The following SPRY3 variants were observed in gnomAD, a reference collection of about 807,000 sequenced individuals.
The protein encoded by SPRY3 is protein sprouty homolog 3.
SPRY3 carries 15 observed loss-of-function variants against 20.2 expected under a neutral mutation model. The ratio of observed to expected loss-of-function variants is 0.74; its 90% CI spans 0.50 to 1.14. The LOEUF (loss-of-function observed/expected upper bound fraction) is 1.14, where lower values mean the gene tolerates loss of function less well. Ranked by LOEUF, SPRY3 falls within the 50% of genes most tolerant of loss-of-function variation. SPRY3 has a pLI of 0.00. For synonymous variants in SPRY3, 143 were observed against 136.5 expected (o/e 1.05, Z -0.33); for missense variants, 364 against 363.9 (o/e 1.00, Z 0.00).
intron 2 of SPRY3, among the ~76,000 whole-genome samples, chrX:155,728,726 C>T (rs765288871): frequency 6.6e-6 from 1 of 152,236 alleles, no homozygotes; most frequent in Non-Finnish European, 1.5e-5. Flanking sequence ...CATGGCTTCC[C>T]TTGGCTATGA....
chrX:155,734,367 A>G lies in SPRY3; in HGVS notation c.-281-33595A>G, dbSNP rs1335274112. Among the ~76,000 whole-genome samples the G allele has an allele frequency of 2.6e-5, 4 of 152,056 alleles. No homozygotes were observed. The East Asian group carries it at 5.8e-4, about 22-fold the overall frequency. Reference sequence around the variant, plus strand: ...ATGGCCAGTCAGTGGAGCAGTCAGAACACACACAACATTGATCAGTTAACT... The same window carrying G: ...ATGGCCAGTCAGTGGAGCAGTCAGAGCACACACAACATTGATCAGTTAACT... On this transcript the variant is annotated intron_variant, in intron 2 of 3. Coordinates refer to ENST00000675360, the Ensembl canonical transcript of SPRY3.
chrX:155,726,363 C>T (rs1160511498), intron 2 of SPRY3, among the ~76,000 whole-genome samples: 1 of 152,098 alleles, frequency 6.6e-6, no homozygotes, highest in Non-Finnish European at 1.5e-5. Flanking sequence ...AGTTCAAGTC[C>T]TGGATATCCT....
At chrX:155,684,283 A>C (rs1209170714) in intron 2 of SPRY3, among the ~76,000 whole-genome samples, 1 of 111,044 alleles carries the variant, frequency 9.0e-6, no homozygotes, top group East Asian at 2.9e-4. Context: ...AGAGAGAATG[A>C]TCACTATTAT....
At chrX:155,767,065 C>G (rs56750753) in intron 2 of SPRY3, among the ~76,000 whole-genome samples, 28,403 of 151,792 alleles carry the variant, frequency 0.19, 2,975 homozygotes, top group Middle Eastern at 0.28. Flanking sequence ...TACTCTCCAC[C>G]CCACCCCCAC....
intron 2 of SPRY3, among the ~76,000 whole-genome samples, chrX:155,673,358 CTG>C (rs782616907): frequency 1.2e-3 from 135 of 111,221 alleles, no homozygotes; most frequent in Non-Finnish European, 2.0e-3. Flanking sequence ...GTATAGAACA[CTG>C]TTTTCTTCTT....
intron 2 of SPRY3, among the ~76,000 whole-genome samples, chrX:155,750,548 A>C (rs1023670898): frequency 2.0e-5 from 3 of 151,988 alleles, no homozygotes; most frequent in African/African-American, 7.2e-5. Context: ...AAAGTGTTTC[A>C]AGAAGGAGAG....
chrX:155,754,603 G>A (rs941919101), intron 2 of SPRY3, among the ~76,000 whole-genome samples: 1 of 151,614 alleles, frequency 6.6e-6, no homozygotes, highest in Admixed American at 6.6e-5. Flanking sequence ...TGAATTTTAG[G>A]GTTCATTCAT....
intron 1 of SPRY3, among the ~76,000 whole-genome samples, chrX:155,652,351 A>G (rs1226704076): frequency 3.7e-5 from 4 of 107,646 alleles, no homozygotes; most frequent in Non-Finnish European, 7.7e-5. Context: ...CTTTCTAACT[A>G]TTTTTTTTTT....
chrX:155,654,922 G>A (rs781896364), intron 1 of SPRY3, among the ~76,000 whole-genome samples: 32 of 110,851 alleles, frequency 2.9e-4, no homozygotes, highest in East Asian at 8.4e-4. Context: ...TCTATTTTTC[G>A]TTCTTTGAGA....
chrX:155,664,844 G>A (rs2068019953), intron 2 of SPRY3, among the ~76,000 whole-genome samples: 1 of 109,033 alleles, frequency 9.2e-6, no homozygotes, highest in Non-Finnish European at 1.9e-5. Flanking sequence ...ACAGTAGGAA[G>A]TCTTTATGAT....
At chrX:155,668,456 G>A (rs886184571) in intron 2 of SPRY3, among the ~76,000 whole-genome samples, 2 of 110,925 alleles carry the variant, frequency 1.8e-5, no homozygotes, top group African/African-American at 3.3e-5. Context: ...ACTTTCTAGG[G>A]TGCCAGATGT....
At chrX:155,676,944 T>C (rs1390091705) in intron 2 of SPRY3, among the ~76,000 whole-genome samples, 1 of 112,290 alleles carries the variant, frequency 8.9e-6, no homozygotes, top group African/African-American at 3.2e-5. Context: ...TGTTATCCAT[T>C]TTCCCTACAG....
intron 1 of SPRY3, among the ~76,000 whole-genome samples, chrX:155,621,667 G>A (rs2067871351): frequency 8.9e-6 from 1 of 111,778 alleles, no homozygotes; most frequent in Non-Finnish European, 1.9e-5. Context: ...GGTAGTCAGG[G>A]TGATATCAGC....
At chrX:155,624,048 A>G (rs1174549910) in intron 1 of SPRY3, among the ~76,000 whole-genome samples, 2 of 112,249 alleles carry the variant, frequency 1.8e-5, no homozygotes, top group African/African-American at 3.2e-5. Context: ...TTTCTTATCT[A>G]TTAAACACAA....
At chrX:155,728,328 C>G in intron 2 of SPRY3, among the ~76,000 whole-genome samples, 1 of 152,180 alleles carries the variant, frequency 6.6e-6, no homozygotes, top group Non-Finnish European at 1.5e-5. Context: ...ACTGTGAGAA[C>G]CACTGCTCTC....
At chrX:155,650,218 T>C (rs1423353142) in intron 1 of SPRY3, among the ~76,000 whole-genome samples, 1 of 111,676 alleles carries the variant, frequency 9.0e-6, no homozygotes, top group Non-Finnish European at 1.9e-5. Context: ...CTATCCTCAT[T>C]AAGCTACCAT....
chrX:155,699,287 G>A (rs767815255), intron 2 of SPRY3, among the ~76,000 whole-genome samples: 2 of 111,531 alleles, frequency 1.8e-5, no homozygotes, highest in African/African-American at 6.5e-5. Context: ...TGACAAAAGA[G>A]AAGACAAAAT....
intron 3 of SPRY3, among the ~76,000 whole-genome samples, chrX:155,769,081 G>C (rs1427411908): frequency 2.0e-5 from 3 of 152,166 alleles, no homozygotes; most frequent in South Asian, 2.1e-4. Context: ...TAAGGCACAG[G>C]CTAGCCGTTT....
At chrX:155,714,905 C>T (rs1261832680) in intron 2 of SPRY3, among the ~76,000 whole-genome samples, 1 of 152,036 alleles carries the variant, frequency 6.6e-6, no homozygotes, top group Non-Finnish European at 1.5e-5. Context: ...CCAATGTTTG[C>T]GTAAAGCCTA....
Sources: allele counts gnomAD v4.1 joint callset (sites outside exome capture counted in the v4.1 genomes callset), GRCh38; gene constraint gnomAD v4.1.1; transcripts MANE v1.5; gene names NCBI Gene and HGNC (gene_info 2026-07-23, HGNC 2026-07-21).